The following FMN1 variants were observed in gnomAD, a reference collection of about 807,000 sequenced individuals.
FMN1 encodes formin 1, also known as formin-1.
In FMN1, 110 loss-of-function variants were observed where a neutral mutation model predicts 132.4. That is an observed-to-expected ratio of 0.83 (90% CI 0.71 to 0.97). The LOEUF (loss-of-function observed/expected upper bound fraction) is 0.97, where lower values mean the gene tolerates loss of function less well. FMN1 is among the 50% of genes least tolerant of loss of function. The pLI, the probability that FMN1 is intolerant of heterozygous loss-of-function variation, is 0.00. For missense variants in FMN1, 1,792 were observed against 1,705.3 expected (o/e 1.05, Z -0.90); for synonymous variants, 722 against 651.7 (o/e 1.11, Z -1.64).
chr15:33,040,297 C>T (rs559554170), intron 6 of FMN1, among the ~76,000 whole-genome samples: 1 of 152,170 alleles, frequency 6.6e-6, no homozygotes, highest in Admixed American at 6.5e-5. Context: ...CCACTATATG[C>T]TAATCACTCT....
At chr15:32,965,348 T>G (rs766189390) in intron 8 of FMN1, among the ~76,000 whole-genome samples, 19 of 151,998 alleles carry the variant, frequency 1.3e-4, no homozygotes, top group Non-Finnish European at 2.6e-4. Flanking sequence ...TGCGATGAAC[T>G]GAGATTGTGC....
Position 33,066,657 on chromosome 15 carries a change from T to A in FMN1, c.2044-1583A>T, listed in dbSNP as rs187679649. On this transcript the variant is annotated intron_variant, in intron 5 of 20. Coordinates refer to ENST00000616417, the MANE Select transcript of FMN1 (RefSeq NM_001277313.2). Reference sequence around the variant, plus strand: ...GTGGTCCCCTTTCTGGGGGGCCGGATGAATAGGGCTTTAAAAGCCTCCAGG... The same window carrying A: ...GTGGTCCCCTTTCTGGGGGGCCGGAAGAATAGGGCTTTAAAAGCCTCCAGG... 539 of 1,613,728 alleles carry A rather than the reference T, an allele frequency of 3.3e-4. No homozygotes were observed. Among genetic ancestry groups the A allele is most frequent in the Non-Finnish European group, 4.3e-4 (502 of 1,179,836 alleles).
intron 8 of FMN1, 113 bp downstream of exon 8, chr15:32,968,601 A>G: frequency 1.3e-6 from 2 of 1,487,858 alleles, no homozygotes; most frequent in Non-Finnish European, 1.8e-6. Flanking sequence ...TCACTGTATC[A>G]CACTTGATAA....
chr15:33,043,296 G>C (rs984825124), intron 6 of FMN1, among the ~76,000 whole-genome samples: 1 of 152,176 alleles, frequency 6.6e-6, no homozygotes, highest in African/African-American at 2.4e-5. Flanking sequence ...ATAACAAATG[G>C]AGGTGTAAAC....
intron 7 of FMN1, among the ~76,000 whole-genome samples, chr15:32,998,624 T>C (rs762421171): frequency 3.3e-5 from 5 of 152,214 alleles, no homozygotes; most frequent in Non-Finnish European, 5.9e-5. Context: ...TCCCATTTCA[T>C]GAAGAGTCAA....
chr15:32,971,190 G>C (rs576356633), intron 7 of FMN1, among the ~76,000 whole-genome samples: 2 of 152,320 alleles, frequency 1.3e-5, no homozygotes, highest in South Asian at 4.1e-4. Context: ...ATATAAAATA[G>C]TAGGCATTAT....
chr15:32,812,676 T>C (rs1428826619), intron 17 of FMN1, among the ~76,000 whole-genome samples: 1 of 152,212 alleles, frequency 6.6e-6, no homozygotes, highest in East Asian at 1.9e-4. Flanking sequence ...AAGTTTCAGA[T>C]TTTGGAGCAT....
intron 6 of FMN1, among the ~76,000 whole-genome samples, chr15:33,015,317 T>G (rs948392560): frequency 6.6e-6 from 1 of 152,160 alleles, no homozygotes; most frequent in Non-Finnish European, 1.5e-5. Flanking sequence ...GAATGCTAAT[T>G]TTAATCACAG....
chr15:33,126,419 G>A (rs1012054674), intron 4 of FMN1, among the ~76,000 whole-genome samples: 4 of 152,156 alleles, frequency 2.6e-5, no homozygotes, highest in African/African-American at 9.7e-5. Context: ...AGCTTCTGGA[G>A]GGTGAGAGGA....
intron 17 of FMN1, among the ~76,000 whole-genome samples, chr15:32,805,715 G>A (rs1417875852): frequency 3.3e-5 from 5 of 152,100 alleles, no homozygotes; most frequent in African/African-American, 2.4e-5. Context: ...CCTCTTGCAC[G>A]TCTCATCATG....
At chr15:33,176,505 CCAAA>C (rs1465180357) in intron 3 of FMN1, among the ~76,000 whole-genome samples, 2,516 of 49,544 alleles carry the variant, frequency 0.051, 82 homozygotes, top group African/African-American at 0.18. Flanking sequence ...GACCCTGTCT[CCAAA>C]AAAAAAAAAA....
At chr15:33,114,338 A>G (rs1377262798) in intron 4 of FMN1, among the ~76,000 whole-genome samples, 1 of 151,822 alleles carries the variant, frequency 6.6e-6, no homozygotes, top group East Asian at 1.9e-4. Context: ...ACAGTGACAT[A>G]AGAAGAAATA....
intron 4 of FMN1, among the ~76,000 whole-genome samples, chr15:33,118,019 T>C (rs533444050): frequency 5.9e-5 from 9 of 152,178 alleles, no homozygotes; most frequent in Non-Finnish European, 1.2e-4. Context: ...AATAATGATA[T>C]AGTGTGTTGT....
intron 17 of FMN1, among the ~76,000 whole-genome samples, chr15:32,828,982 C>G (rs892679559): frequency 5.9e-5 from 9 of 152,166 alleles, no homozygotes; most frequent in Admixed American, 5.9e-4. Flanking sequence ...ATTTGCTACA[C>G]ATCGAATGTT....
At position 33,110,407 on chromosome 15, in the gene FMN1, G is replaced by A. The variant is rs376158008; in HGVS notation, c.1868-21433C>T. Among the ~76,000 whole-genome samples the A allele has an allele frequency of 2.6e-4, 40 of 152,176 alleles. No individual in the cohort carries two copies. In the East Asian group the frequency reaches 7.7e-3, roughly 29 times the overall value. On this transcript the variant is annotated intron_variant, in intron 4 of 20. Coordinates refer to ENST00000616417, the MANE Select transcript of FMN1 (RefSeq NM_001277313.2). ...TTTTTAAAGTACAGTAAAAAGACTG[G>A]AAATAAATGTAAATTTTAGCAGTAA...
rs987152876 is a variant in FMN1 at position 33,154,027 on chromosome 15, A to C, written c.888T>G (p.Ser296=). 67 of 1,536,176 alleles carry C rather than the reference A, an allele frequency of 4.4e-5. No individual in the cohort carries two copies. Among genetic ancestry groups the C allele is most frequent in the Admixed American group, 9.8e-5 (5 of 50,976 alleles). ...GCTTCTCAGGGTCCTGGTGACTTTC[A>C]GACAAACCTGTTTGCTGATGCTCCA... ...SGLEHQQTGL[S]ESHQDPEKHP... Residue 296 remains serine (S), a synonymous_variant, in exon 4 of 21, where the codon TCT becomes TCG. Transcript: ENST00000616417.
At chr15:32,875,484 T>C (rs2059615816) in intron 16 of FMN1, among the ~76,000 whole-genome samples, 1 of 152,224 alleles carries the variant, frequency 6.6e-6, no homozygotes, top group African/African-American at 2.4e-5. Context: ...GGTTAGTAAG[T>C]GGCATGGCAG....
intron 9 of FMN1, among the ~76,000 whole-genome samples, chr15:32,946,787 G>C (rs2061520616): frequency 1.3e-5 from 2 of 152,170 alleles, no homozygotes. Flanking sequence ...TCCTGCGTTG[G>C]TGGAGACAGG....
intron 4 of FMN1, among the ~76,000 whole-genome samples, chr15:33,113,788 C>G (rs1318166004): frequency 1.3e-5 from 2 of 152,228 alleles, no homozygotes; most frequent in Non-Finnish European, 2.9e-5. Flanking sequence ...TCATCTGTGA[C>G]TCCTTCCAGA....
Sources: gnomAD v4.1 joint callset for allele counts (sites outside exome capture counted in the v4.1 genomes callset) on GRCh38, gnomAD v4.1.1 for gene constraint, MANE v1.5 for transcripts, NCBI Gene and HGNC (gene_info 2026-07-23, HGNC 2026-07-21) for gene names.